IRF2: variants seen among roughly 807,000 people sequenced by gnomAD.
IRF2 encodes interferon regulatory factor 2.
In IRF2, 15 loss-of-function variants were observed where a neutral mutation model predicts 40.6. The ratio of observed to expected loss-of-function variants is 0.37; its 90% confidence interval spans 0.25 to 0.57. IRF2 has a LOEUF of 0.57. Ranked by LOEUF, IRF2 falls within the 20% of genes least tolerant of loss-of-function variation. The pLI, the probability that IRF2 is intolerant of heterozygous loss-of-function variation, is 0.77. For missense variants in IRF2, 317 were observed against 455.7 expected (o/e 0.70, Z 2.77); for synonymous variants, 151 against 165.5 (o/e 0.91, Z 0.67).
intron 2 of IRF2, among the ~76,000 whole-genome samples, chr4:184,427,749 T>C (rs1737722459): frequency 6.6e-6 from 1 of 152,150 alleles, no homozygotes; most frequent in African/African-American, 2.4e-5. Context: ...AGGAATGATA[T>C]TAGTTAAAAA....
chr4:184,452,424 C>T (rs1738747095), intron 1 of IRF2, among the ~76,000 whole-genome samples: 2 of 152,176 alleles, frequency 1.3e-5, no homozygotes, highest in Non-Finnish European at 2.9e-5. Flanking sequence ...AGTCTCATCA[C>T]AGCCTCTCTT....
At chr4:184,468,799 A>G (rs1016970562) in intron 1 of IRF2, among the ~76,000 whole-genome samples, 2 of 152,184 alleles carry the variant, frequency 1.3e-5, no homozygotes, top group African/African-American at 4.8e-5. Context: ...AGGAAGGGAA[A>G]GGGGGCTACA....
At chr4:184,432,174 G>C (rs571480302) in intron 1 of IRF2, 1 of 152,346 alleles carries the variant, frequency 6.6e-6, no homozygotes, top group South Asian at 2.1e-4. Flanking sequence ...TTCTGTATCT[G>C]TGAATTTGCC....
rs1736953431 is a variant in IRF2, at chr4:184,408,643, A to G, written c.412-368T>C. Among the ~76,000 whole-genome samples, 1 of 152,220 alleles carries G rather than the reference A, an allele frequency of 6.6e-6. No individual in the cohort carries two copies. The highest frequency in any genetic ancestry group is 2.4e-5 in the African/African-American group (1 of 41,450). ...TCTCCTCCTCTGAGGGGGTGCTCAA[A>G]AGAATCAATGCCTGGCTTTCACCAG... is the stretch of plus-strand genomic sequence containing the variant. On this transcript the variant is annotated intron_variant, in intron 5 of 8. Coordinates refer to ENST00000393593, the MANE Select transcript of IRF2 (RefSeq NM_002199.4). The surrounding 1 kb of genome is among the most constrained non-coding windows in gnomAD (Gnocchi z 4.9).
intron 1 of IRF2, among the ~76,000 whole-genome samples, chr4:184,445,569 C>T (rs936708478): frequency 6.6e-6 from 1 of 150,996 alleles, no homozygotes; most frequent in Non-Finnish European, 1.5e-5. Context: ...TCAGGAGAAT[C>T]GCTTGAACCC....
At chr4:184,437,974 TG>T (rs1738148234) in intron 1 of IRF2, among the ~76,000 whole-genome samples, 1 of 152,206 alleles carries the variant, frequency 6.6e-6, no homozygotes, top group South Asian at 2.1e-4. Context: ...ACGACTTCTG[TG>T]TGCTTTTTCA....
intron 1 of IRF2, chr4:184,472,246 GGGA>G (rs1739537296): frequency 6.6e-6 from 1 of 152,146 alleles, no homozygotes. Context: ...AGGAAAGTTG[GGGA>G]AATCAGAGAA....
At position 184,408,252 on chromosome 4, in the gene IRF2, C is replaced by T; in HGVS notation, c.435G>A (p.Leu145=). Residue 145 remains leucine (L), a synonymous_variant, in exon 6 of 9, where the codon CTG becomes CTA. Coordinates refer to ENST00000393593, the MANE Select transcript of IRF2 (RefSeq NM_002199.4). This position sits in a 1 kb window ranked among gnomAD's most constrained non-coding sequence, Gnocchi z 4.9. Reference sequence around the variant, plus strand: ...GATCACTTACTCCATTACTAAGCCCCAGAGATGACTCAACTGGTTCTTGCT... The same window carrying T: ...GATCACTTACTCCATTACTAAGCCCTAGAGATGACTCAACTGGTTCTTGCT... ...HIKQEPVESS[L]GLSNGVSDLS... 3 of 1,611,404 alleles carry T rather than the reference C, an allele frequency of 1.9e-6. No individual in the cohort carries two copies. The highest frequency in any genetic ancestry group is 2.5e-6 in the Non-Finnish European group (3 of 1,177,488).
intron 1 of IRF2, among the ~76,000 whole-genome samples, chr4:184,457,968 C>G (rs1739005564): frequency 6.6e-6 from 1 of 152,208 alleles, no homozygotes; most frequent in African/African-American, 2.4e-5. Context: ...CTGACACTCC[C>G]TCCTTCATCT....
chr4:184,405,497 G>A (rs1313180076), intron 6 of IRF2, among the ~76,000 whole-genome samples: 1 of 152,210 alleles, frequency 6.6e-6, no homozygotes, highest in Non-Finnish European at 1.5e-5. Context: ...AGTAATTCAA[G>A]TTCAAAGACA....
In IRF2 at chr4:184,465,773, T is replaced by C. The variant is rs182270295; in HGVS notation, c.-7+8606A>G. ...GATATTTAGCTTGTTTCCAAGTTTTTACATAACAAAAGCTAATTCAATAAA... is the reference window on the plus strand; with the variant it reads ...GATATTTAGCTTGTTTCCAAGTTTTCACATAACAAAAGCTAATTCAATAAA... On this transcript the variant is annotated intron_variant, in intron 1 of 8. Coordinates refer to ENST00000393593, the MANE Select transcript of IRF2 (RefSeq NM_002199.4). Among the ~76,000 whole-genome samples, 62 of 152,344 alleles carry C rather than the reference T, an allele frequency of 4.1e-4. 1 individual carries two copies. The highest frequency in any genetic ancestry group is 1.4e-3 in the African/African-American group (57 of 41,576).
chr4:184,395,552 G>A (rs1487523152), intron 7 of IRF2, among the ~76,000 whole-genome samples: 2 of 151,762 alleles, frequency 1.3e-5, no homozygotes, highest in South Asian at 2.1e-4. Flanking sequence ...GTGAATACAC[G>A]CAGAAAGCTG....
chr4:184,395,675 G>A (rs1032308613), intron 7 of IRF2, among the ~76,000 whole-genome samples: 3 of 152,210 alleles, frequency 2.0e-5, no homozygotes, highest in Non-Finnish European at 4.4e-5. Flanking sequence ...AGCAGCGATG[G>A]AACATTTTGC....
At chr4:184,414,059 T>A (rs1257188076) in intron 5 of IRF2, among the ~76,000 whole-genome samples, 1 of 152,224 alleles carries the variant, frequency 6.6e-6, no homozygotes, top group African/African-American at 2.4e-5. Flanking sequence ...TGTAAAGCAA[T>A]GCAGCCTTGG....
At chr4:184,395,502 GC>G (rs1432717151) in intron 7 of IRF2, among the ~76,000 whole-genome samples, 4 of 150,592 alleles carry the variant, frequency 2.7e-5, no homozygotes, top group South Asian at 2.1e-4. Flanking sequence ...TGAAAAACAG[GC>G]AAATGGCCGA....
chr4:184,467,080 G>C (rs1306293057), intron 1 of IRF2, among the ~76,000 whole-genome samples: 1 of 152,134 alleles, frequency 6.6e-6, no homozygotes, highest in Non-Finnish European at 1.5e-5. Flanking sequence ...CATGTTTCCT[G>C]GTGGTATAAT....
chr4:184,466,138 C>T (rs1160430963), intron 1 of IRF2, among the ~76,000 whole-genome samples: 1 of 151,786 alleles, frequency 6.6e-6, no homozygotes, highest in East Asian at 1.9e-4. Context: ...GCAACCTCCG[C>T]CGCCTGGGTT....
chr4:184,464,813 T>C lies in IRF2; in HGVS notation c.-7+9566A>G, dbSNP rs550180506. On this transcript the variant is annotated intron_variant, in intron 1 of 8. Transcript: ENST00000393593. ...ACCCCTGGAACCTTTTCATCCCATG[T>C]CAGGGGAGCTAAGGTGTTTGTCTGT... Among the ~76,000 whole-genome samples the C allele has an allele frequency of 2.0e-5, 3 of 152,264 alleles. No homozygotes were observed. The East Asian group carries it at 5.8e-4, about 29-fold the overall frequency.
intron 6 of IRF2, among the ~76,000 whole-genome samples, chr4:184,406,562 T>C (rs1346616043): frequency 6.6e-6 from 1 of 152,168 alleles, no homozygotes; most frequent in African/African-American, 2.4e-5. Context: ...ATAAAATTTC[T>C]ATCTGAAGCA....
Sources: allele counts gnomAD v4.1 joint callset (sites outside exome capture counted in the v4.1 genomes callset), GRCh38; gene constraint gnomAD v4.1.1; non-coding constraint Gnocchi (gnomAD v3.1); transcripts MANE v1.5; gene names NCBI Gene and HGNC (gene_info 2026-07-23, HGNC 2026-07-21).